The following TCF12 variants were observed in gnomAD, a reference collection of about 807,000 sequenced individuals.
TCF12 encodes the protein DNA-binding protein HTF4.
A neutral mutation model predicts 86.0 loss-of-function variants in TCF12; 45 were observed. The ratio of observed to expected loss-of-function variants is 0.52; its 90% CI spans 0.41 to 0.67. The LOEUF (loss-of-function observed/expected upper bound fraction) is 0.67. Ranked by LOEUF, TCF12 falls within the 30% of genes least tolerant of loss-of-function variation. The pLI, the probability that TCF12 is intolerant of heterozygous loss-of-function variation, is 0.00. For synonymous variants in TCF12, 330 were observed against 299.6 expected, an observed-to-expected ratio of 1.10 and a Z score of -1.05; for missense variants, 881 against 859.9, an observed-to-expected ratio of 1.02 and a Z score of -0.31.
At chr15:56,957,656 C>G (rs1249956939) in intron 3 of TCF12, among the ~76,000 whole-genome samples, 1 of 152,196 alleles carries the variant, frequency 6.6e-6, no homozygotes, top group Non-Finnish European at 1.5e-5. Context: ...TCTAACATCT[C>G]TGTCAGTTCT....
At chr15:57,152,875 A>T (rs1392284678) in intron 5 of TCF12, among the ~76,000 whole-genome samples, 1 of 150,884 alleles carries the variant, frequency 6.6e-6, no homozygotes, top group Non-Finnish European at 1.5e-5. Flanking sequence ...CACACACACC[A>T]CACATATTCC....
intron 19 of TCF12, among the ~76,000 whole-genome samples, chr15:57,275,106 G>A (rs2061318986): frequency 6.6e-6 from 1 of 152,084 alleles, no homozygotes; most frequent in Non-Finnish European, 1.5e-5. Context: ...TGACTTTCTG[G>A]TCTGTTATGG....
At chr15:57,005,623 A>G (rs1328524609) in intron 3 of TCF12, among the ~76,000 whole-genome samples, 3 of 152,268 alleles carry the variant, frequency 2.0e-5, no homozygotes, top group African/African-American at 7.2e-5. Flanking sequence ...GCTGGAGTGC[A>G]GTGGTGCAGT....
chr15:56,918,883 T>G lies in TCF12; in HGVS notation c.-46T>G, dbSNP rs1299499960. ...CCAAAGTGAACTTTAATCGGGGTGG[T>G]TGGATGCGGAGACGGGGCGGCAGGT... On this transcript the variant is annotated 5_prime_UTR_variant, in exon 1 of 21. Coordinates refer to ENST00000333725, the MANE Select transcript of TCF12 (RefSeq NM_207037.2). 6.6e-6 allele frequency: 1 copy of G among 152,534 alleles called. No individual in the cohort carries two copies. The highest frequency in any genetic ancestry group is 1.5e-5 in the Non-Finnish European group (1 of 68,280). The allele number at this position is 152,534 out of a possible 1,614,324, so 9.4% of individuals were successfully genotyped here. A position where few individuals can be genotyped will look rare whatever the true frequency, so the allele number is the denominator to read the frequency against.
intron 3 of TCF12, among the ~76,000 whole-genome samples, chr15:56,938,436 G>A (rs2060579521): frequency 6.6e-6 from 1 of 152,094 alleles, no homozygotes; most frequent in Middle Eastern, 3.4e-3. Flanking sequence ...TGGGATTACA[G>A]GCGTGAGCCA....
At chr15:57,117,019 T>C (rs1473363477) in intron 5 of TCF12, among the ~76,000 whole-genome samples, 1 of 152,194 alleles carries the variant, frequency 6.6e-6, no homozygotes, top group Admixed American at 6.5e-5. Context: ...AGGTTTGTTC[T>C]TTTAATGACA....
At chr15:57,133,807 T>G (rs1373925912) in intron 5 of TCF12, among the ~76,000 whole-genome samples, 2 of 152,218 alleles carry the variant, frequency 1.3e-5, no homozygotes, top group African/African-American at 4.8e-5. Context: ...TCCTTCTGTC[T>G]AGGATGTTAT....
intron 3 of TCF12, among the ~76,000 whole-genome samples, chr15:56,924,439 C>T (rs2059918504): frequency 6.6e-6 from 1 of 152,020 alleles, no homozygotes; most frequent in African/African-American, 2.4e-5. Flanking sequence ...ATATCAAGAA[C>T]AAAATCAAGA....
At chr15:57,276,939 G>A (rs1397431010) in intron 19 of TCF12, among the ~76,000 whole-genome samples, 1 of 151,576 alleles carries the variant, frequency 6.6e-6, no homozygotes, top group Non-Finnish European at 1.5e-5. Context: ...TCCATAGCTG[G>A]GATTACAGGC....
chr15:56,989,233 G>A (rs1458812345), intron 3 of TCF12, among the ~76,000 whole-genome samples: 3 of 152,058 alleles, frequency 2.0e-5, no homozygotes, highest in Non-Finnish European at 4.4e-5. Context: ...GCAGAGAATG[G>A]TGTTTGCATT....
intron 3 of TCF12, among the ~76,000 whole-genome samples, chr15:56,995,909 T>G (rs923869412): frequency 6.6e-6 from 1 of 152,214 alleles, no homozygotes; most frequent in Non-Finnish European, 1.5e-5. Flanking sequence ...CAGTATGATA[T>G]TAGCTGTGGG....
intron 5 of TCF12, among the ~76,000 whole-genome samples, chr15:57,125,184 A>G (rs1260535711): frequency 6.6e-6 from 1 of 152,224 alleles, no homozygotes. Flanking sequence ...ATGAAAAATT[A>G]CTTGGAACTT....
chr15:57,228,911 T>C lies in TCF12; in HGVS notation c.580-2241T>C, dbSNP rs75834283. 6.1e-4 allele frequency among the ~76,000 whole-genome samples: 93 copies of C among 152,130 alleles called. 5 individuals carry two copies. The East Asian group carries it at 0.018, about 29-fold the overall frequency. ...TTCATAATTATCAAGTATGAGAGAC[T>C]GACTTACTGTTTCAGTCTATAACCT... On this transcript the variant is annotated intron_variant, in intron 8 of 20. Coordinates refer to ENST00000333725, the MANE Select transcript of TCF12 (RefSeq NM_207037.2).
intron 3 of TCF12, among the ~76,000 whole-genome samples, chr15:56,935,817 T>C (rs867862207): frequency 2.0e-5 from 3 of 152,208 alleles, no homozygotes; most frequent in Non-Finnish European, 4.4e-5. Flanking sequence ...TGTTCCTTCT[T>C]ATGGCTGCAC....
At chr15:57,201,010 T>TA (rs2057517281) in intron 8 of TCF12, among the ~76,000 whole-genome samples, 1 of 152,184 alleles carries the variant, frequency 6.6e-6, no homozygotes, top group East Asian at 1.9e-4. Flanking sequence ...GCTACATACT[T>TA]ACGGTTTTAA....
intron 3 of TCF12, among the ~76,000 whole-genome samples, chr15:56,964,325 C>G (rs1028823194): frequency 2.0e-5 from 3 of 152,126 alleles, no homozygotes; most frequent in Non-Finnish European, 4.4e-5. Context: ...AATTTGGTAT[C>G]GCTTAAAAAC....
intron 5 of TCF12, among the ~76,000 whole-genome samples, chr15:57,101,250 G>C (rs978438239): frequency 6.6e-6 from 1 of 151,996 alleles, no homozygotes; most frequent in African/African-American, 2.4e-5. Context: ...CTGTTGCCCA[G>C]ACTGGAGTGC....
chr15:56,959,692 G>A (rs1041208681), intron 3 of TCF12, among the ~76,000 whole-genome samples: 4 of 151,942 alleles, frequency 2.6e-5, no homozygotes, highest in Non-Finnish European at 5.9e-5. Context: ...GTTTTGACTC[G>A]GCTTTTTAAT....
chr15:57,237,514 C>T (rs972039489), intron 12 of TCF12, among the ~76,000 whole-genome samples: 20 of 152,024 alleles, frequency 1.3e-4, no homozygotes, highest in Non-Finnish European at 2.5e-4. Context: ...GGCATATTAC[C>T]GTTTAAGCCT....
Sources: gnomAD v4.1 joint callset for allele counts (sites outside exome capture counted in the v4.1 genomes callset) on GRCh38, gnomAD v4.1.1 for gene constraint, MANE v1.5 for transcripts, NCBI Gene and HGNC (gene_info 2026-07-23, HGNC 2026-07-21) for gene names.